The following NYAP2 variants were observed in gnomAD, a reference collection of about 807,000 sequenced individuals.
The protein encoded by NYAP2 is neuronal tyrosine-phosphorylated phosphoinositide-3-kinase adaptor 2.
A neutral mutation model predicts 50.4 loss-of-function variants in NYAP2; 23 were observed. The observed-to-expected ratio is 0.46, with a 90% CI of 0.33 to 0.65. NYAP2 has a LOEUF of 0.65. NYAP2 is among the 30% of genes least tolerant of loss of function. The pLI is 0.02. For synonymous variants in NYAP2, 394 were observed against 365.2 expected (o/e 1.08, Z -0.90); for missense variants, 885 against 861.0 (o/e 1.03, Z -0.35).
rs762260450 is a variant in NYAP2 at position 225,512,852 on chromosome 2, T to TCTTCCTTC, written c.222-479_222-472dup. On this transcript the variant is annotated intron_variant, in intron 3 of 6. Coordinates refer to ENST00000636099, the Ensembl canonical transcript of NYAP2. ...CTCTCTCTCTCTTTCTTTCTTTCTT[T>TCTTCCTTC]CTTCCTTCCTTCCTTCCTTCCTTCC... is the stretch of plus-strand genomic sequence containing the variant. Among the ~76,000 whole-genome samples, 654 of 123,616 alleles carry TCTTCCTTC rather than the reference T, an allele frequency of 5.3e-3. 6 individuals are homozygous for TCTTCCTTC. The highest frequency in any genetic ancestry group is 7.8e-3 in the Non-Finnish European group (469 of 60,436). The allele number at this position is 123,616 out of a possible 152,430, so 81.1% of individuals were successfully genotyped here.
the NYAP2 span, among the ~76,000 whole-genome samples, chr2:225,688,772 T>C: frequency 6.6e-6 from 1 of 152,340 alleles, no homozygotes; most frequent in East Asian, 1.9e-4. Flanking sequence ...AGATGGAGTC[T>C]TGCTCTGACA....
At chr2:225,626,051 A>C (rs1392441796) in intron 5 of NYAP2, among the ~76,000 whole-genome samples, 1 of 152,208 alleles carries the variant, frequency 6.6e-6, no homozygotes, top group Non-Finnish European at 1.5e-5. Context: ...CACTTAAAGA[A>C]AGAGAGAGAA....
At chr2:225,542,233 T>A (rs960471765) in intron 4 of NYAP2, among the ~76,000 whole-genome samples, 3 of 152,158 alleles carry the variant, frequency 2.0e-5, no homozygotes, top group African/African-American at 7.2e-5. Context: ...ATTGAATTTC[T>A]TCCTTTCCAG....
chr2:225,520,989 A>G (rs1445042392), intron 4 of NYAP2, among the ~76,000 whole-genome samples: 1,855 of 146,176 alleles, frequency 0.013, 27 homozygotes, highest in African/African-American at 0.045. Flanking sequence ...GGTCCTTCAC[A>G]TCCCTTGTAA....
At chr2:225,518,620 A>ATG (rs1406436054) in intron 4 of NYAP2, among the ~76,000 whole-genome samples, 1 of 141,108 alleles carries the variant, frequency 7.1e-6, no homozygotes, top group African/African-American at 2.5e-5. Context: ...TTGTGAGCTT[A>ATG]TATATATATA....
At chr2:225,529,924 G>T (rs1691224995) in intron 4 of NYAP2, among the ~76,000 whole-genome samples, 1 of 151,188 alleles carries the variant, frequency 6.6e-6, no homozygotes, top group Non-Finnish European at 1.5e-5. Flanking sequence ...GGCCAGGATG[G>T]TCTCGATCTT....
chr2:225,691,724 T>C, the NYAP2 span, among the ~76,000 whole-genome samples: 1 of 152,120 alleles, frequency 6.6e-6, no homozygotes, highest in Non-Finnish European at 1.5e-5. Flanking sequence ...TTTCTGAAGT[T>C]GTCTCCCCTT....
chr2:225,559,070 T>C (rs1691824667), intron 4 of NYAP2, among the ~76,000 whole-genome samples: 1 of 152,116 alleles, frequency 6.6e-6, no homozygotes, highest in South Asian at 2.1e-4. Context: ...TTTTTCTCTC[T>C]CTTCCTCTCT....
intron 5 of NYAP2, among the ~76,000 whole-genome samples, chr2:225,618,623 TGGA>T (rs1175550946): frequency 6.6e-6 from 1 of 152,212 alleles, no homozygotes; most frequent in African/African-American, 2.4e-5. Context: ...CATTTTGCTT[TGGA>T]GGAGAGGTGT....
Position 225,512,829 on chromosome 2 carries a change from C to CTT in NYAP2, c.222-541_222-540insTT, listed in dbSNP as rs1559200501. Among the ~76,000 whole-genome samples the CTT allele has an allele frequency of 1.3e-3, 100 of 79,238 alleles. 1 individual carries two copies. The highest frequency in any genetic ancestry group is 3.9e-3 in the Admixed American group (30 of 7,762). 52.0% of individuals were successfully genotyped at this position (79,238 alleles called of 152,430 possible). A position where few individuals can be genotyped will look rare whatever the true frequency, so the allele number is the denominator to read the frequency against. On this transcript the variant is annotated intron_variant, in intron 3 of 6. Coordinates refer to ENST00000636099, the Ensembl canonical transcript of NYAP2. ...CTTTCTTTTCTTTCTTTCTCTCTCT[C>CTT]TCTCTCTCTTTCTTTCTTTCTTTCT... is the stretch of plus-strand genomic sequence containing the variant.
intron 5 of NYAP2, among the ~76,000 whole-genome samples, chr2:225,610,227 T>C (rs1692856030): frequency 6.6e-6 from 1 of 152,152 alleles, no homozygotes; most frequent in South Asian, 2.1e-4. Flanking sequence ...CTCACAGTTC[T>C]GGAGCCCAAC....
At chr2:225,694,731 A>G in the NYAP2 span, among the ~76,000 whole-genome samples, 4 of 152,036 alleles carry the variant, frequency 2.6e-5, no homozygotes, top group Non-Finnish European at 5.9e-5. Context: ...ATTATATACT[A>G]GAATCTATAT....
At chr2:225,454,915 T>C (rs1033615025) in intron 3 of NYAP2, among the ~76,000 whole-genome samples, 5 of 152,084 alleles carry the variant, frequency 3.3e-5, no homozygotes, top group African/African-American at 7.2e-5. Flanking sequence ...CAGCTGACCA[T>C]AGAAAAATTA....
At chr2:225,398,027 A>G (rs1694800755), upstream of NYAP2, among the ~76,000 whole-genome samples, 1 of 152,058 alleles carries the variant, frequency 6.6e-6, no homozygotes, top group Non-Finnish European at 1.5e-5. Flanking sequence ...TGCTTTCTCT[A>G]TTCTTCTAAT....
At chr2:225,559,362 A>C (rs1452715565) in intron 4 of NYAP2, among the ~76,000 whole-genome samples, 1 of 151,986 alleles carries the variant, frequency 6.6e-6, no homozygotes, top group African/African-American at 2.4e-5. Flanking sequence ...AAAAAAAAAA[A>C]ATGTGCTATG....
intron 3 of NYAP2, among the ~76,000 whole-genome samples, chr2:225,465,962 T>A (rs922839424): frequency 3.3e-5 from 5 of 152,126 alleles, no homozygotes; most frequent in African/African-American, 9.7e-5. Flanking sequence ...TCCACACTCT[T>A]AAGAAGCAAT....
the NYAP2 span, among the ~76,000 whole-genome samples, chr2:225,683,040 C>T: frequency 6.6e-6 from 1 of 152,020 alleles, no homozygotes; most frequent in African/African-American, 2.4e-5. Context: ...TCCTACTACT[C>T]TTCCCAGTAT....
chr2:225,660,587 T>C, the NYAP2 span, among the ~76,000 whole-genome samples: 1 of 152,054 alleles, frequency 6.6e-6, no homozygotes, highest in Non-Finnish European at 1.5e-5. Context: ...TGGCTTCAGA[T>C]GGGGCGGGCC....
At chr2:225,548,705 C>A (rs1277275846) in intron 4 of NYAP2, among the ~76,000 whole-genome samples, 2 of 152,074 alleles carry the variant, frequency 1.3e-5, no homozygotes, top group Admixed American at 6.5e-5. Flanking sequence ...CGAGAATCCA[C>A]AATTGACAAG....
Sources: allele counts gnomAD v4.1 joint callset (sites outside exome capture counted in the v4.1 genomes callset), GRCh38; gene constraint gnomAD v4.1.1; transcripts MANE v1.5; gene names NCBI Gene and HGNC (gene_info 2026-07-23, HGNC 2026-07-21).